Variants in SASH3 observed in about 807,000 individuals in gnomAD.
SASH3 encodes SAM and SH3 domain containing 3, also known as SAM and SH3 domain-containing protein 3.
In SASH3, 7 loss-of-function variants were observed where a neutral mutation model predicts 26.1. The observed-to-expected ratio is 0.27, with a 90% confidence interval of 0.15 to 0.50. The LOEUF (loss-of-function observed/expected upper bound fraction) is 0.50, where lower values mean the gene tolerates loss of function less well. Among genes scored for constraint, SASH3 ranks in the 20% least tolerant of loss-of-function variants. The pLI is 0.98. For synonymous variants in SASH3, 138 were observed against 136.8 expected (o/e 1.01, Z -0.06); for missense variants, 231 against 318.3 (o/e 0.73, Z 2.09).
intron 1 of SASH3, among the ~76,000 whole-genome samples, chrX:129,781,692 C>T (rs763085203): frequency 2.0e-4 from 22 of 112,477 alleles, no homozygotes; most frequent in Non-Finnish European, 3.6e-4. Context: ...CTTTTTCTTT[C>T]CCAGCTTCAA....
At position 129,793,444 on chromosome X, in the gene SASH3, AG is replaced by A. The variant is rs1927268736; in HGVS notation, c.953-197del. 2.7e-5 allele frequency among the ~76,000 whole-genome samples: 3 copies of A among 112,612 alleles called. No homozygotes were observed. The South Asian group carries it at 1.1e-3, about 41-fold the overall frequency. ...GGATTCAAGCCCACTGCCTGGCTCC[AG>A]CTTAGTGCTAAAGAAGTGTGAGCTC... On this transcript the variant is annotated intron_variant, in intron 7 of 7. Coordinates refer to ENST00000356892, the MANE Select transcript of SASH3 (RefSeq NM_018990.4).
At position 129,793,835 on chromosome X, in the gene SASH3, T is replaced by C; in HGVS notation, c.*3T>C. ...TCTCCCTGGCCGGGGCACCTTGAGG[T>C]GGCGGTGGCAATAGGCCAAGGCTGG... On this transcript the variant is annotated 3_prime_UTR_variant, in exon 8 of 8. Transcript: ENST00000356892. The C allele has an allele frequency of 8.5e-7, 1 of 1,173,651 alleles. No homozygotes were observed. Among genetic ancestry groups the C allele is most frequent in the Non-Finnish European group, 1.1e-6 (1 of 875,678 alleles).
chrX:129,788,133 G>GGGGGGGGGGGGGGGGGGGGGGGGGGC, intron 2 of SASH3, 63 bp downstream of exon 2: 1 of 312,638 alleles, frequency 3.2e-6, no homozygotes, highest in East Asian at 7.8e-5. Context: ...GTGGGGGTGG[G>GGGGGGGGGGGGGGGGGGGGGGGGGGC]AGGGAAGAGG....
Position 129,792,399 on chromosome X carries a change from G to A in SASH3, c.514G>A (p.Gly172Arg). ...GGAACCACCTGCCCCCCAGTACACA[G>A]GGCCTTTCTGTGGCCGGGCACGAGT... ...GEEPPAPQYT[G>R]PFCGRARVHT... The change falls in exon 5 of 8, where the codon GGG (glycine) becomes AGG (arginine). Residue 172 changes from glycine to arginine, a missense_variant. Coordinates refer to ENST00000356892, the MANE Select transcript of SASH3 (RefSeq NM_018990.4). 1 of 1,211,798 alleles carries A rather than the reference G, an allele frequency of 8.3e-7. No individual in the cohort carries two copies. Among genetic ancestry groups the A allele is most frequent in the Non-Finnish European group, 1.1e-6 (1 of 895,449 alleles).
chrX:129,781,207 A>G (rs1281426635), intron 1 of SASH3, among the ~76,000 whole-genome samples: 1 of 112,086 alleles, frequency 8.9e-6, no homozygotes, highest in Non-Finnish European at 1.9e-5. Context: ...CCTATGGTGG[A>G]TCCCCCTTGT....
intron 1 of SASH3, among the ~76,000 whole-genome samples, chrX:129,782,317 G>C (rs1927031754): frequency 8.9e-6 from 1 of 112,096 alleles, no homozygotes; most frequent in African/African-American, 3.3e-5. Context: ...CCTGCTGTAG[G>C]CATGGGTGGG....
At chrX:129,783,483 C>T (rs1334304147) in intron 1 of SASH3, among the ~76,000 whole-genome samples, 1 of 112,286 alleles carries the variant, frequency 8.9e-6, no homozygotes, top group Non-Finnish European at 1.9e-5. Context: ...AGCACAGCAA[C>T]ATACTTGGGT....
At chrX:129,788,601 T>C in intron 3 of SASH3, 24 bp downstream of exon 3, 1 of 1,202,544 alleles carries the variant, frequency 8.3e-7, no homozygotes, top group Non-Finnish European at 1.1e-6. Flanking sequence ...ATATAGGGGA[T>C]GGGGTGTCCA....
intron 2 of SASH3, 67 bp downstream of exon 2, chrX:129,788,137 G>GGGGCGGGT: frequency 2.8e-6 from 1 of 354,277 alleles, no homozygotes. Flanking sequence ...GGGTGGGAGG[G>GGGGCGGGT]AAGAGGGTGA....
In SASH3 at chrX:129,792,645, A is replaced by G. The variant is rs1927252239; in HGVS notation, c.610A>G (p.Ile204Val). 8.3e-7 allele frequency: 1 copy of G among 1,208,954 alleles called. No individual in the cohort carries two copies. The highest frequency in any genetic ancestry group is 2.2e-5 in the Admixed American group (1 of 45,788). Reference sequence around the variant, plus strand: ...CCAACAGAAAGGAGATGTGATCCAGATCATTGAAAAGCCACCTGTGGGCAC... The same window carrying G: ...CCAACAGAAAGGAGATGTGATCCAGGTCATTGAAAAGCCACCTGTGGGCAC... ...LKLQKGDVIQ[I>V]IEKPPVGTWL... The change falls in exon 6 of 8, where the codon ATC (isoleucine) becomes GTC (valine). Residue 204 changes from isoleucine to valine, a missense_variant. By Grantham distance (29) the Ile-to-Val change is conservative. Transcript: ENST00000356892.
At chrX:129,785,218 C>T (rs761553660) in intron 1 of SASH3, among the ~76,000 whole-genome samples, 1 of 111,031 alleles carries the variant, frequency 9.0e-6, no homozygotes, top group South Asian at 3.8e-4. Flanking sequence ...CCCCGTCAGG[C>T]ACGACTCCCA....
intron 1 of SASH3, among the ~76,000 whole-genome samples, chrX:129,780,896 CTGTCA>C (rs1468140616): frequency 2.1e-3 from 233 of 112,330 alleles, no homozygotes; most frequent in African/African-American, 7.3e-3. Context: ...GGAAAAACAG[CTGTCA>C]TGGATGGCTG....
At chrX:129,792,272 C>T (rs1927244566) in intron 4 of SASH3, 56 bp from the exon 5 acceptor site, 41 of 1,147,269 alleles carry the variant, frequency 3.6e-5, no homozygotes, top group Non-Finnish European at 4.4e-5. Context: ...CTGCTAGGCA[C>T]TGTCTCAGCT....
At position 129,793,210 on chromosome X, in the gene SASH3, T is replaced by C. The variant is rs1927264870; in HGVS notation, c.952+71T>C. The stretch of plus-strand genomic sequence containing the variant: ...CATTCCAGGGAGGGGAGGCTTGCCC[T>C]GGCCTTGCCTTCTGTCCACGCTCTG... On this transcript the variant is annotated intron_variant, in intron 7 of 7. Coordinates refer to ENST00000356892, the MANE Select transcript of SASH3 (RefSeq NM_018990.4). The C allele has an allele frequency of 3.5e-6, 4 of 1,128,847 alleles. No individual in the cohort carries two copies. The Admixed American group carries it at 6.6e-5, about 19-fold the overall frequency. The allele number at this position is 1,128,847 out of a possible 1,213,427, so 93.0% of individuals were successfully genotyped here. A position where few individuals can be genotyped will look rare whatever the true frequency, so the allele number is the denominator to read the frequency against.
intron 1 of SASH3, among the ~76,000 whole-genome samples, chrX:129,784,092 A>ACC (rs202169973): frequency 9.4e-5 from 10 of 106,747 alleles, no homozygotes; most frequent in African/African-American, 3.5e-4. Flanking sequence ...CAGTTACTAC[A>ACC]CCCCCCCCTT....
At chrX:129,786,188 A>G (rs745976118) in intron 1 of SASH3, among the ~76,000 whole-genome samples, 31 of 110,538 alleles carry the variant, frequency 2.8e-4, no homozygotes, top group Non-Finnish European at 3.4e-4. Flanking sequence ...TCAGGCCCCA[A>G]TCGTGCTAGC....
chrX:129,788,149 G>A (rs1235375726), intron 2 of SASH3, 79 bp downstream of exon 2: 2 of 758,448 alleles, frequency 2.6e-6, no homozygotes, highest in East Asian at 3.4e-5. Context: ...AGAGGGTGAA[G>A]AGGAGATAGA....
At chrX:129,789,157 G>GAAAGAAAGAA (rs1927177743) in intron 3 of SASH3, among the ~76,000 whole-genome samples, 1 of 64,185 alleles carries the variant, frequency 1.6e-5, no homozygotes, top group African/African-American at 8.4e-5. Flanking sequence ...AAGAAAGAAA[G>GAAAGAAAGAA]AAAGAAAGAG....
intron 1 of SASH3, among the ~76,000 whole-genome samples, chrX:129,780,372 T>C (rs1926993672): frequency 9.0e-6 from 1 of 111,117 alleles, no homozygotes; most frequent in African/African-American, 3.3e-5. Flanking sequence ...AATAGATCCT[T>C]AGAAATCTAG....
Sources: gnomAD v4.1 joint callset for allele counts (sites outside exome capture counted in the v4.1 genomes callset) on GRCh38, gnomAD v4.1.1 for gene constraint, MANE v1.5 for transcripts, NCBI Gene and HGNC (gene_info 2026-07-23, HGNC 2026-07-21) for gene names.